Variants in PDE4D observed in about 807,000 individuals in gnomAD.
PDE4D encodes 3',5'-cyclic-AMP phosphodiesterase 4D.
A neutral mutation model predicts 87.4 loss-of-function variants in PDE4D; 24 were observed. That is an observed-to-expected ratio of 0.27 (90% CI 0.20 to 0.39). The LOEUF is 0.39. PDE4D is among the 10% of genes least tolerant of loss of function. The pLI is 1.00. For synonymous variants in PDE4D, 384 were observed against 383.2 expected (o/e 1.00, Z -0.02); for missense variants, 714 against 1,041.0 (o/e 0.69, Z 4.32).
intron 1 of PDE4D, among the ~76,000 whole-genome samples, chr5:59,472,638 T>A (rs1025162106): frequency 6.6e-6 from 1 of 152,140 alleles, no homozygotes; most frequent in Non-Finnish European, 1.5e-5. Context: ...GTCATATAAG[T>A]CTCTTTATAC....
intron 1 of PDE4D, among the ~76,000 whole-genome samples, chr5:59,769,146 A>T (rs1763189303): frequency 6.6e-6 from 1 of 152,118 alleles, no homozygotes; most frequent in South Asian, 2.1e-4. Context: ...CTGCTTACTA[A>T]ACTCAATCTG....
chr5:59,973,961 A>T (rs1169420117), intron 3 of PDE4D, among the ~76,000 whole-genome samples: 1 of 152,184 alleles, frequency 6.6e-6, no homozygotes, highest in Non-Finnish European at 1.5e-5. Context: ...ACTCTATCAA[A>T]TAGCCTTAAA....
chr5:59,761,714 T>C (rs1483251326), intron 1 of PDE4D, among the ~76,000 whole-genome samples: 2 of 152,128 alleles, frequency 1.3e-5, no homozygotes, highest in Non-Finnish European at 2.9e-5. Flanking sequence ...TCATCTCCTA[T>C]GAGAACAATG....
chr5:59,632,719 T>A (rs1464203243), intron 1 of PDE4D, among the ~76,000 whole-genome samples: 3 of 151,754 alleles, frequency 2.0e-5, no homozygotes, highest in Non-Finnish European at 4.4e-5. Context: ...ACACAAAAAC[T>A]CCATCTAAAG....
chr5:59,862,025 A>G (rs891585399), intron 1 of PDE4D, among the ~76,000 whole-genome samples: 1 of 152,184 alleles, frequency 6.6e-6, no homozygotes, highest in Admixed American at 6.5e-5. Context: ...CTCCTGTGCC[A>G]GTGCTATTGG....
chr5:59,848,118 C>T (rs1021405778), intron 1 of PDE4D, among the ~76,000 whole-genome samples: 3 of 151,916 alleles, frequency 2.0e-5, no homozygotes, highest in Non-Finnish European at 4.4e-5. Flanking sequence ...CTGGTTTTAT[C>T]CCTAAAGCTA....
At chr5:59,128,110 A>G (rs1221561813) in intron 5 of PDE4D, among the ~76,000 whole-genome samples, 1 of 149,970 alleles carries the variant, frequency 6.7e-6, no homozygotes, top group Non-Finnish European at 1.5e-5. Flanking sequence ...TTCAGGTTTT[A>G]CTAAAAGGCT....
chr5:59,820,505 C>A (rs993715374), intron 1 of PDE4D, among the ~76,000 whole-genome samples: 5 of 152,202 alleles, frequency 3.3e-5, no homozygotes, highest in Non-Finnish European at 5.9e-5. Flanking sequence ...TTATTACAAA[C>A]AATCTGGGTT....
At chr5:60,044,864 C>A (rs1305310085) in intron 2 of PDE4D, among the ~76,000 whole-genome samples, 1 of 152,124 alleles carries the variant, frequency 6.6e-6, no homozygotes, top group Non-Finnish European at 1.5e-5. Context: ...ATTTATAGTC[C>A]TTTGGGTATA....
chr5:59,965,933 C>T (rs1330685908), intron 3 of PDE4D, among the ~76,000 whole-genome samples: 2 of 152,116 alleles, frequency 1.3e-5, no homozygotes, highest in African/African-American at 2.4e-5. Flanking sequence ...TGTGACAACC[C>T]TTAGTCTAAC....
Position 60,036,607 on chromosome 5 carries a change from A to G in PDE4D, c.43-47890T>C, listed in dbSNP as rs1039640210. ...TTGTTAAAAGAATATTAGGGAATTC[A>G]CAAAGTTCACAGAATTATGGGGAAA... On this transcript the variant is annotated intron_variant, in intron 2 of 16. Transcript: ENST00000502484. 5.9e-5 allele frequency among the ~76,000 whole-genome samples: 9 copies of G among 152,370 alleles called. No homozygotes were observed. The South Asian group carries it at 1.9e-3, about 32-fold the overall frequency.
intron 1 of PDE4D, among the ~76,000 whole-genome samples, chr5:60,225,767 T>G (rs1415975195): frequency 6.6e-6 from 1 of 152,092 alleles, no homozygotes; most frequent in Non-Finnish European, 1.5e-5. Flanking sequence ...AGTACATATA[T>G]TACCTCATTT....
chr5:59,905,595 C>A (rs1752728708), intron 3 of PDE4D, among the ~76,000 whole-genome samples: 1 of 152,078 alleles, frequency 6.6e-6, no homozygotes, highest in South Asian at 2.1e-4. Context: ...TTACATTAAC[C>A]TCTCTGTCAG....
At chr5:60,001,684 T>C (rs569546909) in intron 2 of PDE4D, among the ~76,000 whole-genome samples, 16 of 152,188 alleles carry the variant, frequency 1.1e-4, no homozygotes, top group African/African-American at 3.6e-4. Flanking sequence ...AAATAAACCA[T>C]AGTTACAGTA....
At chr5:59,082,139 G>A (rs1561451731) in intron 5 of PDE4D, among the ~76,000 whole-genome samples, 1 of 152,122 alleles carries the variant, frequency 6.6e-6, no homozygotes, top group Non-Finnish European at 1.5e-5. Context: ...TTTCTTCACA[G>A]CAGCATGAGA....
intron 2 of PDE4D, among the ~76,000 whole-genome samples, chr5:59,997,058 T>A (rs967291889): frequency 1.3e-5 from 2 of 152,136 alleles, no homozygotes; most frequent in African/African-American, 4.8e-5. Context: ...TATATTCTCA[T>A]CAACAAGAAA....
intron 1 of PDE4D, among the ~76,000 whole-genome samples, chr5:60,252,155 C>T (rs111948269): frequency 0.014 from 2,176 of 151,972 alleles, 18 homozygotes; most frequent in African/African-American, 0.03. Flanking sequence ...AATGTTTGCA[C>T]AATGACAAAA....
chr5:59,258,466 A>AT (rs1362890315), intron 1 of PDE4D, among the ~76,000 whole-genome samples: 4 of 151,882 alleles, frequency 2.6e-5, no homozygotes, highest in Non-Finnish European at 4.4e-5. Context: ...TAAAATATGT[A>AT]TTTTTTCTGT....
intron 2 of PDE4D, among the ~76,000 whole-genome samples, chr5:60,112,225 A>C (rs575695137): frequency 6.6e-6 from 1 of 152,138 alleles, no homozygotes; most frequent in Admixed American, 6.6e-5. Context: ...ACTTTTTAAA[A>C]AGCTTGATAA....
Sources: gnomAD v4.1 joint callset for allele counts (sites outside exome capture counted in the v4.1 genomes callset) on GRCh38, gnomAD v4.1.1 for gene constraint, MANE v1.5 for transcripts, NCBI Gene and HGNC (gene_info 2026-07-23, HGNC 2026-07-21) for gene names.